Variants in RSBN1 observed in about 807,000 individuals in gnomAD.
The protein encoded by RSBN1 is round spermatid basic protein 1.
A neutral mutation model predicts 74.8 loss-of-function variants in RSBN1; 23 were observed. That is an observed-to-expected ratio of 0.31 (90% confidence interval 0.22 to 0.44). The LOEUF (loss-of-function observed/expected upper bound fraction) is 0.44, where lower values mean the gene tolerates loss of function less well. RSBN1 is among the 20% of genes least tolerant of loss of function. The pLI, the probability that RSBN1 is intolerant of heterozygous loss-of-function variation, is 1.00. For synonymous variants in RSBN1, 407 were observed against 379.6 expected, an observed-to-expected ratio of 1.07 and a Z score of -0.84; for missense variants, 808 against 1,020.9, an observed-to-expected ratio of 0.79 and a Z score of 2.84.
In RSBN1 at chr1:113,766,384, G is replaced by C. The variant is rs560597251; in HGVS notation, c.2005C>G (p.Gln669Glu). Residue 669 changes from glutamine to glutamate, a missense_variant, in exon 7 of 7, where the codon CAG (glutamine) becomes GAG (glutamate). Transcript: ENST00000261441. ...RREGIRYARI[Q>E]LCDNDIYFIP... ...AAGTAGATATCATTGTCGCAAAGCT[G>C]AATTCTAGCATAACGAATGCCTTCC... 2 of 1,614,086 alleles carry C rather than the reference G, an allele frequency of 1.2e-6. No homozygotes were observed. Among genetic ancestry groups the C allele is most frequent in the Admixed American group, 3.3e-5 (2 of 60,018 alleles).
intron 5 of RSBN1, chr1:113,767,949 G>A: frequency 3.7e-6 from 1 of 267,516 alleles, no homozygotes; most frequent in South Asian, 1.1e-4. Context: ...GTAGAATGAT[G>A]GTTACCAGAG....
intron 1 of RSBN1, among the ~76,000 whole-genome samples, chr1:113,804,201 C>T (rs1022772027): frequency 6.6e-6 from 1 of 152,124 alleles, no homozygotes; most frequent in African/African-American, 2.4e-5. Context: ...CTATAAGGCC[C>T]TCATCACAAT....
intron 1 of RSBN1, among the ~76,000 whole-genome samples, chr1:113,804,258 C>A (rs1423152698): frequency 2.0e-5 from 3 of 152,022 alleles, no homozygotes; most frequent in African/African-American, 7.2e-5. Context: ...TCAAGAGAAA[C>A]ACATAAGAAA....
chr1:113,763,067 T>A lies in RSBN1; in HGVS notation c.*2913A>T, dbSNP rs964432241. On this transcript the variant is annotated 3_prime_UTR_variant, in exon 7 of 7. Transcript: ENST00000261441. ...GAGGAGAGAACATACTATATAGGTT[T>A]TTATTATTATTGCTTTATGAATTTG... 6.5e-6 allele frequency: 1 copy of A among 152,738 alleles called. No homozygotes were observed. The highest frequency in any genetic ancestry group is 6.5e-5 in the Admixed American group (1 of 15,286). 9.5% of individuals were successfully genotyped at this position (152,738 alleles called of 1,614,324 possible).
chr1:113,791,190 G>A (rs1660357030), intron 2 of RSBN1, among the ~76,000 whole-genome samples: 2 of 152,044 alleles, frequency 1.3e-5, no homozygotes, highest in East Asian at 1.9e-4. Context: ...AAGGCAAAGT[G>A]GGGAGGGGAG....
chr1:113,784,290 A>T (rs1218372757), intron 2 of RSBN1, among the ~76,000 whole-genome samples: 1 of 152,168 alleles, frequency 6.6e-6, no homozygotes, highest in African/African-American at 2.4e-5. Context: ...GTCATTAGGC[A>T]ATTTGTGGTT....
At chr1:113,782,228 T>C (rs1660152677) in intron 2 of RSBN1, among the ~76,000 whole-genome samples, 1 of 152,188 alleles carries the variant, frequency 6.6e-6, no homozygotes, top group Admixed American at 6.5e-5. Flanking sequence ...TGGTATAAAA[T>C]GACTCAAAAT....
At chr1:113,795,274 T>A (rs1660448406) in intron 2 of RSBN1, among the ~76,000 whole-genome samples, 1 of 152,162 alleles carries the variant, frequency 6.6e-6, no homozygotes, top group Admixed American at 6.5e-5. Flanking sequence ...TGACCTTGGA[T>A]AACAAACAAT....
At chr1:113,791,450 T>C (rs1382498631) in intron 2 of RSBN1, among the ~76,000 whole-genome samples, 1 of 152,172 alleles carries the variant, frequency 6.6e-6, no homozygotes, top group Non-Finnish European at 1.5e-5. Context: ...ATAAATCTGT[T>C]AATAACTCAG....
chr1:113,803,210 C>T (rs1188099366), intron 1 of RSBN1, among the ~76,000 whole-genome samples: 1 of 152,134 alleles, frequency 6.6e-6, no homozygotes, highest in African/African-American at 2.4e-5. Context: ...GAATAATATT[C>T]TACTGTCTGG....
Position 113,797,941 on chromosome 1 carries a change from G to C in RSBN1, c.799C>G (p.Arg267Gly), listed in dbSNP as rs766154261. ...KKKKKHREDM[R>G]GRRLKMYNKE... ...TTGTACATTTTAAGGCGTCTTCCTC[G>C]CATGTCTTCTCGGTGTTTCTTTTTC... The change falls in exon 2 of 7, where the codon CGA (arginine) becomes GGA (glycine). Residue 267 changes from arginine (R) to glycine (G), a missense_variant. Around this residue, in one of 6 missense-constraint regions of RSBN1, gnomAD observed 464 missense variants for 401.0 expected, o/e 1.16. Transcript: ENST00000261441. The C allele has an allele frequency of 2.5e-6, 4 of 1,613,430 alleles. No individual in the cohort carries two copies. The highest frequency in any genetic ancestry group is 1.6e-4 in the Middle Eastern group (1 of 6,062).
intron 2 of RSBN1, among the ~76,000 whole-genome samples, chr1:113,782,818 T>A (rs1476941227): frequency 6.6e-6 from 1 of 152,240 alleles, no homozygotes; most frequent in East Asian, 1.9e-4. Flanking sequence ...ATTTTTTGTC[T>A]TTTTGTTAAC....
chr1:113,797,167 C>A (rs1300349932), intron 2 of RSBN1, among the ~76,000 whole-genome samples, 196 bp downstream of exon 2: 1 of 152,096 alleles, frequency 6.6e-6, no homozygotes, highest in Non-Finnish European at 1.5e-5. Context: ...TAAAGCATTC[C>A]CTCCAGTAAA....
chr1:113,776,272 AG>A (rs1660022763), intron 4 of RSBN1, among the ~76,000 whole-genome samples: 1 of 152,266 alleles, frequency 6.6e-6, no homozygotes, highest in Admixed American at 6.5e-5. Flanking sequence ...AAATGTTAGT[AG>A]AAAATAAAAA....
chr1:113,789,844 T>C (rs918298130), intron 2 of RSBN1, among the ~76,000 whole-genome samples: 5 of 152,312 alleles, frequency 3.3e-5, no homozygotes, highest in African/African-American at 1.2e-4. Flanking sequence ...CCCAACAAAA[T>C]ACCAAATATA....
chr1:113,777,928 T>C, intron 2 of RSBN1, 120 bp from the exon 3 acceptor site: 1 of 909,474 alleles, frequency 1.1e-6, no homozygotes, highest in Non-Finnish European at 1.5e-6. Flanking sequence ...AACTGAATGG[T>C]CAATACCTTG....
At chr1:113,789,539 G>A (rs534155024) in intron 2 of RSBN1, among the ~76,000 whole-genome samples, 4 of 152,182 alleles carry the variant, frequency 2.6e-5, no homozygotes, top group Non-Finnish European at 4.4e-5. Flanking sequence ...AGAGGGGATC[G>A]TGGGAACCCC....
chr1:113,807,587 C>A (rs540532730), intron 1 of RSBN1, among the ~76,000 whole-genome samples: 1 of 151,894 alleles, frequency 6.6e-6, no homozygotes, highest in African/African-American at 2.4e-5. Context: ...CAGTGAAACC[C>A]CGTCTCTACT....
Position 113,766,079 on chromosome 1 carries a change from T to C in RSBN1, c.2310A>G (p.Gln770=), listed in dbSNP as rs779883735. The C allele has an allele frequency of 1.1e-5, 18 of 1,613,998 alleles. No individual in the cohort carries two copies. The Admixed American group carries it at 2.7e-4, about 24-fold the overall frequency. The change falls in exon 7 of 7, where the codon CAA becomes CAG. Residue 770 remains glutamine, a synonymous_variant. Coordinates refer to ENST00000261441, the MANE Select transcript of RSBN1 (RefSeq NM_018364.5). ...CTGGAATAGGCTGAGTCTTCTGATCTTGCTGTAGATTAAGTTCTGATGCAG... is the reference window on the plus strand; with the variant it reads ...CTGGAATAGGCTGAGTCTTCTGATCCTGCTGTAGATTAAGTTCTGATGCAG... The part of the protein sequence containing the change: ...FPPASELNLQ[Q]DQKTQPIPVL...
Sources: allele counts gnomAD v4.1 joint callset (sites outside exome capture counted in the v4.1 genomes callset), GRCh38; gene constraint gnomAD v4.1.1; regional missense constraint gnomAD v4.1.1; transcripts MANE v1.5; gene names NCBI Gene and HGNC (gene_info 2026-07-23, HGNC 2026-07-21).